Variants in NBAS observed in about 807,000 individuals in gnomAD.
NBAS encodes NBAS subunit of NRZ tethering complex.
A neutral mutation model predicts 302.5 loss-of-function variants in NBAS; 219 were observed. The ratio of observed to expected loss-of-function variants is 0.72; its 90% CI spans 0.65 to 0.81. The LOEUF is 0.81. Ranked by LOEUF, NBAS falls within the 30% of genes least tolerant of loss-of-function variation. NBAS has a pLI of 0.00. For synonymous variants in NBAS, 1,118 were observed against 1,021.6 expected (o/e 1.09, Z -1.80); for missense variants, 2,932 against 2,841.6 (o/e 1.03, Z -0.72).
the NBAS span, among the ~76,000 whole-genome samples, chr2:14,801,477 GT>G: frequency 6.6e-6 from 1 of 151,880 alleles, no homozygotes; most frequent in Non-Finnish European, 1.5e-5. Flanking sequence ...AGATATTATA[GT>G]TTTTATTTCT....
chr2:15,534,463 G>A, intron 9 of NBAS, 80 bp downstream of exon 9: 2 of 1,028,518 alleles, frequency 1.9e-6, no homozygotes, highest in Non-Finnish European at 3.1e-6. Context: ...GTCAACATAA[G>A]AATCAGAATA....
chr2:15,458,063 T>C (rs925893792), intron 21 of NBAS, among the ~76,000 whole-genome samples: 3 of 152,318 alleles, frequency 2.0e-5, no homozygotes, highest in Admixed American at 1.3e-4. Context: ...ATACTCACTA[T>C]ACAAGCGCCG....
At chr2:15,417,479 T>C (rs189395864) in intron 24 of NBAS, 48 bp downstream of exon 24, 23 of 1,510,570 alleles carry the variant, frequency 1.5e-5, no homozygotes, top group Middle Eastern at 1.8e-4. Flanking sequence ...TCAAAGTGCA[T>C]AGAAAATGCT....
At chr2:15,385,645 C>T (rs777088393) in intron 28 of NBAS, among the ~76,000 whole-genome samples, 3 of 152,146 alleles carry the variant, frequency 2.0e-5, no homozygotes, top group Non-Finnish European at 4.4e-5. Context: ...TAGTAGTGTA[C>T]TCAAGTTCGT....
At chr2:15,422,877 G>A (rs748037625) in intron 23 of NBAS, among the ~76,000 whole-genome samples, 7 of 152,068 alleles carry the variant, frequency 4.6e-5, no homozygotes, top group Non-Finnish European at 8.8e-5. Context: ...CTAGGAAACC[G>A]CAAAAGGCTC....
At chr2:15,028,407 T>C in the NBAS span, among the ~76,000 whole-genome samples, 1 of 152,242 alleles carries the variant, frequency 6.6e-6, no homozygotes, top group Non-Finnish European at 1.5e-5. Context: ...GTTTAGAAAG[T>C]GCCCAATTCA....
chr2:15,312,586 T>C (rs1469681594), intron 38 of NBAS, among the ~76,000 whole-genome samples: 2 of 152,166 alleles, frequency 1.3e-5, no homozygotes, highest in Non-Finnish European at 2.9e-5. Context: ...CTCAATTCTA[T>C]CCTTAAATTC....
At chr2:15,129,387 T>C in the NBAS span, among the ~76,000 whole-genome samples, 1 of 152,192 alleles carries the variant, frequency 6.6e-6, no homozygotes, top group South Asian at 2.1e-4. Context: ...CTATTCAGGC[T>C]GCGCTACAGT....
At chr2:14,951,274 A>G in the NBAS span, among the ~76,000 whole-genome samples, 56 of 152,198 alleles carry the variant, frequency 3.7e-4, no homozygotes, top group Non-Finnish European at 6.9e-4. Flanking sequence ...CAGAAACGGA[A>G]CAAATCATAC....
the NBAS span, among the ~76,000 whole-genome samples, chr2:14,844,144 CT>C: frequency 6.6e-6 from 1 of 152,102 alleles, no homozygotes; most frequent in African/African-American, 2.4e-5. Context: ...AAGAAGATAC[CT>C]TTTTTCCACT....
chr2:14,962,369 A>C, the NBAS span, among the ~76,000 whole-genome samples: 1 of 152,200 alleles, frequency 6.6e-6, no homozygotes, highest in East Asian at 1.9e-4. Context: ...ACAGAAAGAA[A>C]TTTCTTAAAT....
chr2:14,991,469 C>T, the NBAS span, among the ~76,000 whole-genome samples: 2 of 152,156 alleles, frequency 1.3e-5, no homozygotes, highest in Admixed American at 6.5e-5. Flanking sequence ...TTGCAGGGAA[C>T]CACAGCCTTT....
At chr2:15,364,842 G>A (rs1191591166) in intron 32 of NBAS, among the ~76,000 whole-genome samples, 1 of 152,056 alleles carries the variant, frequency 6.6e-6, no homozygotes, top group Non-Finnish European at 1.5e-5. Flanking sequence ...CTCCAGAAGA[G>A]ATTGGGAAAA....
At chr2:15,210,753 A>G (rs1666367591) in intron 48 of NBAS, among the ~76,000 whole-genome samples, 1 of 152,240 alleles carries the variant, frequency 6.6e-6, no homozygotes, top group Non-Finnish European at 1.5e-5. Flanking sequence ...TGGATAAAGA[A>G]AATGTGGTAC....
chr2:14,934,395 C>G, the NBAS span, among the ~76,000 whole-genome samples: 2 of 146,362 alleles, frequency 1.4e-5, no homozygotes, highest in Non-Finnish European at 3.0e-5. Flanking sequence ...TCTTCCTCCT[C>G]TCGTACTACA....
the NBAS span, among the ~76,000 whole-genome samples, chr2:15,054,356 C>T: frequency 2.0e-5 from 3 of 152,178 alleles, no homozygotes; most frequent in Non-Finnish European, 2.9e-5. Context: ...TGAGTTTAAG[C>T]AAAGTTCTAC....
rs1395018649 is a variant in NBAS, at chr2:15,473,354, A to G, written c.1600-7T>C. ...CATACTCTTCACTTTCAATCTTCAG[A>G]TAAAAACACGAGGACAGGAATGTTA... On this transcript the variant is annotated splice_region_variant and splice_polypyrimidine_tract_variant and intron_variant, in intron 15 of 51. Coordinates refer to ENST00000281513, the MANE Select transcript of NBAS (RefSeq NM_015909.4). 1 of 1,613,614 alleles carries G rather than the reference A, an allele frequency of 6.2e-7. No homozygotes were observed. The highest frequency in any genetic ancestry group is 1.1e-5 in the South Asian group (1 of 91,042).
At chr2:15,290,201 G>C (rs932819084) in intron 41 of NBAS, among the ~76,000 whole-genome samples, 1 of 152,018 alleles carries the variant, frequency 6.6e-6, no homozygotes, top group African/African-American at 2.4e-5. Flanking sequence ...ACAAGTGAAG[G>C]TGATGCTGCA....
At chr2:14,902,419 A>G in the NBAS span, among the ~76,000 whole-genome samples, 1 of 152,192 alleles carries the variant, frequency 6.6e-6, no homozygotes, top group African/African-American at 2.4e-5. Context: ...GATTTGCACC[A>G]CTGCACCTGG....
Sources: gnomAD v4.1 joint callset for allele counts (sites outside exome capture counted in the v4.1 genomes callset) on GRCh38, gnomAD v4.1.1 for gene constraint, MANE v1.5 for transcripts, NCBI Gene and HGNC (gene_info 2026-07-23, HGNC 2026-07-21) for gene names.